The following NPEPPS variants were observed in gnomAD, a reference collection of about 807,000 sequenced individuals.
NPEPPS encodes aminopeptidase puromycin sensitive.
A neutral mutation model predicts 115.5 loss-of-function variants in NPEPPS; 14 were observed. The ratio of observed to expected loss-of-function variants is 0.12; its 90% CI spans 0.08 to 0.19. The LOEUF (loss-of-function observed/expected upper bound fraction) is 0.19, where lower values mean the gene tolerates loss of function less well. NPEPPS is among the 10% of genes least tolerant of loss of function. The pLI, the probability that NPEPPS is intolerant of heterozygous loss-of-function variation, is 1.00. For synonymous variants in NPEPPS, 285 were observed against 390.6 expected (o/e 0.73, Z 3.19); for missense variants, 523 against 1,110.8 (o/e 0.47, Z 7.52).
At chr17:47,549,780 CAAAAAAA>C (rs34434179) in intron 2 of NPEPPS, among the ~76,000 whole-genome samples, 7 of 43,376 alleles carry the variant, frequency 1.6e-4, no homozygotes, top group Admixed American at 2.5e-4. Flanking sequence ...GACTCTGTCT[CAAAAAAA>C]AAAAAAAAAA....
At chr17:47,535,175 G>T (rs1457556913) in intron 1 of NPEPPS, among the ~76,000 whole-genome samples, 183 of 143,748 alleles carry the variant, frequency 1.3e-3, no homozygotes, top group African/African-American at 4.4e-3. Context: ...TCTGGGAGGC[G>T]GAGCTTGCAG....
intron 14 of NPEPPS, 113 bp downstream of exon 14, chr17:47,599,852 CTG>C: frequency 2.3e-6 from 2 of 856,576 alleles, no homozygotes; most frequent in Non-Finnish European, 3.7e-6. Flanking sequence ...GAGTCTCACT[CTG>C]TCGCCCAGGC....
At chr17:47,604,664 A>C (rs1267146764) in intron 16 of NPEPPS, among the ~76,000 whole-genome samples, 1 of 152,170 alleles carries the variant, frequency 6.6e-6, no homozygotes, top group South Asian at 2.1e-4. Flanking sequence ...TTGGTTTTGG[A>C]TTCTGCCTTT....
intron 22 of NPEPPS, chr17:47,620,050 T>C: frequency 6.4e-6 from 2 of 313,970 alleles, no homozygotes; most frequent in Non-Finnish European, 6.0e-6. Context: ...CCGGGCAACA[T>C]GGTGAAACCC....
chr17:47,604,033 A>G lies in NPEPPS; in HGVS notation c.1859A>G (p.Asn620Ser), dbSNP rs1279033599. ...CCTGTGGATCGACTTGGATTACAGA[A>G]TGACCTCTTCTCCTTGGTGAGCATC... The part of the protein sequence containing the change: ...LPPVDRLGLQ[N>S]DLFSLARAGI... The change falls in exon 16 of 23, where the codon AAT becomes AGT. Residue 620 changes from asparagine (N) to serine (S), a missense_variant. By Grantham distance (46) the Asn-to-Ser change is conservative. This residue lies in a region of NPEPPS where 372 missense variants were observed against 542.6 expected (regional missense o/e 0.69). Coordinates refer to ENST00000322157, the MANE Select transcript of NPEPPS (RefSeq NM_006310.4). 1.2e-6 allele frequency: 2 copies of G among 1,612,506 alleles called. No homozygotes were observed. The highest frequency in any genetic ancestry group is 3.3e-5 in the Admixed American group (2 of 59,850).
At chr17:47,575,580 A>AATAATTATT (rs1555608384) in intron 3 of NPEPPS, among the ~76,000 whole-genome samples, 4 of 144,092 alleles carry the variant, frequency 2.8e-5, no homozygotes, top group Admixed American at 1.4e-4. Flanking sequence ...GACAATATTG[A>AATAATTATT]ATTATTATTA....
chr17:47,535,786 A>G (rs1455625462), intron 1 of NPEPPS, among the ~76,000 whole-genome samples: 1 of 145,678 alleles, frequency 6.9e-6, no homozygotes, highest in Non-Finnish European at 1.5e-5. Context: ...TGTGACTACT[A>G]TTTATGATTA....
At chr17:47,579,926 T>C (rs889316069) in intron 4 of NPEPPS, 18 of 163,072 alleles carry the variant, frequency 1.1e-4, no homozygotes, top group African/African-American at 1.6e-4. Context: ...ATTTTTTTTT[T>C]CTCCGTGTGT....
At chr17:47,617,099 A>G (rs1209376549) in intron 19 of NPEPPS, among the ~76,000 whole-genome samples, 1 of 152,236 alleles carries the variant, frequency 6.6e-6, no homozygotes, top group Non-Finnish European at 1.5e-5. Context: ...CTAGAAAAGT[A>G]TAAAGAGGAA....
At chr17:47,542,546 C>CAAA (rs397857323) in intron 1 of NPEPPS, among the ~76,000 whole-genome samples, 1 of 83,108 alleles carries the variant, frequency 1.2e-5, no homozygotes, top group Admixed American at 1.3e-4. Flanking sequence ...AGCTCCGTCT[C>CAAA]AAAAAAAAAA....
At chr17:47,605,151 C>G (rs1339514852) in intron 16 of NPEPPS, among the ~76,000 whole-genome samples, 182 bp from the exon 17 acceptor site, 3 of 152,036 alleles carry the variant, frequency 2.0e-5, no homozygotes, top group Non-Finnish European at 2.9e-5. Context: ...AAAAAAATAA[C>G]AAAGGATTAA....
At chr17:47,593,879 C>A (rs1912670199) in intron 12 of NPEPPS, among the ~76,000 whole-genome samples, 1 of 152,164 alleles carries the variant, frequency 6.6e-6, no homozygotes. Flanking sequence ...GATGCTCCAC[C>A]AGCTGGCTGA....
chr17:47,622,099 G>A lies in NPEPPS; in HGVS notation c.*179G>A, dbSNP rs1350168885. 44 of 1,267,536 alleles carry A rather than the reference G, an allele frequency of 3.5e-5. No individual in the cohort carries two copies. The highest frequency in any genetic ancestry group is 1.5e-4 in the East Asian group (5 of 33,774). 78.5% of individuals were successfully genotyped at this position (1,267,536 alleles called of 1,614,324 possible). A position where few individuals can be genotyped will look rare whatever the true frequency, so the allele number is the denominator to read the frequency against. On this transcript the variant is annotated 3_prime_UTR_variant, in exon 23 of 23. Coordinates refer to ENST00000322157, the MANE Select transcript of NPEPPS (RefSeq NM_006310.4). ...TCCAGAATTAAATTCTATTGAAAAA[G>A]GAAAATCAGCAATTCAGCAAAAAAT...
At chr17:47,583,606 G>T (rs1421578732) in intron 5 of NPEPPS, among the ~76,000 whole-genome samples, 1 of 151,450 alleles carries the variant, frequency 6.6e-6, no homozygotes, top group African/African-American at 2.4e-5. Context: ...AAAGAAAAAG[G>T]TCTTGACTTA....
chr17:47,582,391 TATAGC>T, intron 4 of NPEPPS: 1 of 226,720 alleles, frequency 4.4e-6, no homozygotes, highest in Non-Finnish European at 9.0e-6. Flanking sequence ...TTTGAATTCT[TATAGC>T]ATACTCTTTA....
At position 47,538,329 on chromosome 17, in the gene NPEPPS, C is replaced by T. The variant is rs1195519867; in HGVS notation, c.255+6774C>T. ...TCCCTAGTTCAAGGGATTCTTCTGC[C>T]TCAGCCTCCCTAGTAGCTAGGATTA... On this transcript the variant is annotated intron_variant, in intron 1 of 22. Transcript: ENST00000322157. 2.0e-5 allele frequency among the ~76,000 whole-genome samples: 3 copies of T among 146,710 alleles called. No individual in the cohort carries two copies. The East Asian group carries it at 6.1e-4, about 30-fold the overall frequency.
At position 47,591,828 on chromosome 17, in the gene NPEPPS, A is replaced by G. The variant is rs555303883; in HGVS notation, c.1261-128A>G. The G allele has an allele frequency of 2.6e-4, 136 of 515,098 alleles. 1 individual carries two copies. In the South Asian group the frequency reaches 3.7e-3, roughly 14 times the overall value. The allele number at this position is 515,098 out of a possible 1,614,324, so 31.9% of individuals were successfully genotyped here. ...CTACATTTTTTTGAGGACCATCGTT[A>G]TACATTATGAGTGAGTTAAAGGCAG... On this transcript the variant is annotated intron_variant, in intron 10 of 22. Coordinates refer to ENST00000322157, the MANE Select transcript of NPEPPS (RefSeq NM_006310.4).
chr17:47,617,431 C>T (rs533420529), intron 19 of NPEPPS, among the ~76,000 whole-genome samples: 7 of 152,070 alleles, frequency 4.6e-5, no homozygotes, highest in South Asian at 2.1e-4. Flanking sequence ...GATATGGGCT[C>T]ACTGCAACCT....
intron 3 of NPEPPS, among the ~76,000 whole-genome samples, chr17:47,578,550 A>G (rs1911673046): frequency 6.6e-6 from 1 of 152,206 alleles, no homozygotes; most frequent in Non-Finnish European, 1.5e-5. Context: ...TAAAAAAGAA[A>G]GTATATGAAC....
Sources: gnomAD v4.1 joint callset for allele counts (sites outside exome capture counted in the v4.1 genomes callset) on GRCh38, gnomAD v4.1.1 for gene constraint, gnomAD v4.1.1 regional missense constraint, MANE v1.5 for transcripts, NCBI Gene and HGNC (gene_info 2026-07-23, HGNC 2026-07-21) for gene names.